The following SLC25A48 variants were observed in gnomAD, a reference collection of about 807,000 sequenced individuals.
SLC25A48 encodes the protein solute carrier family 25 member 48.
In SLC25A48, 29 loss-of-function variants were observed where a neutral mutation model predicts 32.2. That is an observed-to-expected ratio of 0.90 (90% CI 0.67 to 1.23). SLC25A48 has a LOEUF of 1.23. SLC25A48 is among the 50% of genes most tolerant of loss of function. SLC25A48 has a pLI of 0.00. For synonymous variants in SLC25A48, 164 were observed against 172.3 expected, an observed-to-expected ratio of 0.95 and a Z score of 0.38; for missense variants, 399 against 422.7, an observed-to-expected ratio of 0.94 and a Z score of 0.49.
chr5:135,842,621 G>A (rs993357785), intron 2 of SLC25A48, among the ~76,000 whole-genome samples, 162 bp downstream of exon 2: 4 of 152,158 alleles, frequency 2.6e-5, no homozygotes, highest in Non-Finnish European at 4.4e-5. Context: ...GTCTGGTTTA[G>A]GTTCAGAACC....
chr5:135,861,197 T>C (rs977924896), intron 4 of SLC25A48, among the ~76,000 whole-genome samples: 4 of 152,204 alleles, frequency 2.6e-5, no homozygotes, highest in African/African-American at 7.2e-5. Flanking sequence ...ATGTCCTGTT[T>C]TTAACTCAGC....
At chr5:135,808,128 C>T (rs1480867413) in intron 3 of SLC25A48, among the ~76,000 whole-genome samples, 4 of 150,208 alleles carry the variant, frequency 2.7e-5, no homozygotes, top group Non-Finnish European at 5.9e-5. Flanking sequence ...TGTGTTAAAA[C>T]TAGATATTTT....
At position 135,865,942 on chromosome 5, in the gene SLC25A48, C is replaced by T. The variant is rs548917582; in HGVS notation, c.422-5519C>T. ...TGTGTTACCTGTGATAGTACCCACA[C>T]ATATGAGAAAAATGGGCACATATGT... On this transcript the variant is annotated intron_variant, in intron 4 of 7. Coordinates refer to ENST00000681962, the MANE Select transcript of SLC25A48 (RefSeq NM_001349336.2). Among the ~76,000 whole-genome samples, 7 of 152,292 alleles carry T rather than the reference C, an allele frequency of 4.6e-5. No individual in the cohort carries two copies. In the South Asian group the frequency reaches 6.2e-4, roughly 14 times the overall value.
intron 3 of SLC25A48, among the ~76,000 whole-genome samples, chr5:135,764,267 G>A (rs559557544): frequency 3.3e-5 from 5 of 151,912 alleles, no homozygotes; most frequent in East Asian, 1.9e-4. Flanking sequence ...AACATGGTTC[G>A]TATTAACCAC....
chr5:135,824,146 T>G lies in SLC25A48; in HGVS notation c.-117+11220T>G, dbSNP rs1361913187. ...TGGGAAGGCTCTTCTGAGCTGAGAG[T>G]CCAGGAGCAGATCTTGGCACAGGCT... On this transcript the variant is annotated intron_variant, in intron 4 of 10. Coordinates refer to the SLC25A48 transcript ENST00000646290. Among the ~76,000 whole-genome samples the G allele has an allele frequency of 2.6e-5, 4 of 151,828 alleles. No individual in the cohort carries two copies. The East Asian group carries it at 5.8e-4, about 22-fold the overall frequency.
chr5:135,871,847 T>G, intron 5 of SLC25A48, 129 bp downstream of exon 5: 1 of 1,533,802 alleles, frequency 6.5e-7, no homozygotes. Context: ...CAACAATTCT[T>G]TGTTAGGTAC....
chr5:135,598,740 T>C (rs1335843663), intron 1 of SLC25A48, among the ~76,000 whole-genome samples: 1 of 151,772 alleles, frequency 6.6e-6, no homozygotes, highest in African/African-American at 2.4e-5. Flanking sequence ...GTTATATACA[T>C]CCCATTTTCA....
Position 135,749,725 on chromosome 5 carries a change from G to A in SLC25A48, c.-520-62798G>A, listed in dbSNP as rs187481129. 7.0e-3 allele frequency among the ~76,000 whole-genome samples: 1,068 copies of A among 152,184 alleles called. 10 individuals carry two copies. The highest frequency in any genetic ancestry group is 0.024 in the African/African-American group (999 of 41,490). On this transcript the variant is annotated intron_variant, in intron 3 of 10. Transcript: ENST00000646290. ...TCCTGTCTCAGCTTCCTAAGTAGCC[G>A]CGATTAGAGGCGCACACCACCACGC...
chr5:135,879,851 C>T (rs1762332039), intron 6 of SLC25A48, 117 bp from the exon 7 acceptor site: 2 of 1,408,834 alleles, frequency 1.4e-6, no homozygotes, highest in South Asian at 1.4e-5. Flanking sequence ...GTCCTTTGGG[C>T]TCTGGTGGGG....
upstream of SLC25A48, among the ~76,000 whole-genome samples, chr5:135,832,832 G>A (rs2126672020): frequency 6.6e-6 from 1 of 152,320 alleles, no homozygotes; most frequent in South Asian, 2.1e-4. Flanking sequence ...GGAAGGAACT[G>A]AGGGAGAAAG....
intron 1 of SLC25A48, among the ~76,000 whole-genome samples, chr5:135,611,038 A>T (rs1752052267): frequency 6.6e-6 from 1 of 152,234 alleles, no homozygotes; most frequent in Non-Finnish European, 1.5e-5. Flanking sequence ...GGAGTGTTCC[A>T]TGTGTCTGGA....
At chr5:135,601,277 A>T (rs1751790362) in intron 1 of SLC25A48, 1 of 152,186 alleles carries the variant, frequency 6.6e-6, no homozygotes, top group Non-Finnish European at 1.5e-5. Context: ...CCTGTCCTTG[A>T]AGCTCTCTGG....
At chr5:135,676,277 G>C (rs558354704) in intron 3 of SLC25A48, among the ~76,000 whole-genome samples, 1 of 151,712 alleles carries the variant, frequency 6.6e-6, no homozygotes, top group African/African-American at 2.4e-5. Context: ...GTGTATAGTT[G>C]CTTTAATAGT....
intron 1 of SLC25A48, among the ~76,000 whole-genome samples, chr5:135,589,466 C>G (rs182127423): frequency 6.6e-6 from 1 of 152,288 alleles, no homozygotes; most frequent in Admixed American, 6.5e-5. Context: ...GGTTAATTTT[C>G]CAAGTCAATA....
chr5:135,826,148 G>C (rs934865836), intron 4 of SLC25A48, among the ~76,000 whole-genome samples: 2 of 152,082 alleles, frequency 1.3e-5, no homozygotes, highest in African/African-American at 4.8e-5. Flanking sequence ...AGAGCCAGCA[G>C]GAAGAACCCA....
At chr5:135,776,829 T>C (rs1342195437) in intron 3 of SLC25A48, among the ~76,000 whole-genome samples, 2 of 151,932 alleles carry the variant, frequency 1.3e-5, no homozygotes, top group Admixed American at 1.3e-4. Context: ...AGAATCATAC[T>C]ACTCCCAATA....
At chr5:135,711,031 T>C (rs1273674209) in intron 3 of SLC25A48, among the ~76,000 whole-genome samples, 1 of 152,130 alleles carries the variant, frequency 6.6e-6, no homozygotes, top group Non-Finnish European at 1.5e-5. Context: ...CGCCATAAAA[T>C]AGGAAAAGCT....
At chr5:135,887,594 G>A (rs939553852) in intron 7 of SLC25A48, among the ~76,000 whole-genome samples, 1 of 152,146 alleles carries the variant, frequency 6.6e-6, no homozygotes, top group Non-Finnish European at 1.5e-5. Context: ...AGGAATCCGC[G>A]TCTGGGAGTG....
At chr5:135,879,383 C>A (rs566405037) in intron 6 of SLC25A48, among the ~76,000 whole-genome samples, 1 of 152,096 alleles carries the variant, frequency 6.6e-6, no homozygotes, top group African/African-American at 2.4e-5. Flanking sequence ...CCCTTACAGT[C>A]GGGAAAATTG....
Sources: gnomAD v4.1 joint callset for allele counts (sites outside exome capture counted in the v4.1 genomes callset) on GRCh38, gnomAD v4.1.1 for gene constraint, MANE v1.5 for transcripts, NCBI Gene and HGNC (gene_info 2026-07-23, HGNC 2026-07-21) for gene names.